Variants in IL1RAPL1 observed in about 807,000 individuals in gnomAD.
IL1RAPL1 encodes interleukin 1 receptor accessory protein like 1.
A neutral mutation model predicts 48.4 loss-of-function variants in IL1RAPL1; 3 were observed. The ratio of observed to expected loss-of-function variants is 0.06; its 90% CI spans 0.03 to 0.16. IL1RAPL1 has a LOEUF of 0.16. Ranked by LOEUF, IL1RAPL1 falls within the 10% of genes least tolerant of loss-of-function variation. IL1RAPL1 has a pLI of 1.00. For synonymous variants in IL1RAPL1, 185 were observed against 187.7 expected (o/e 0.99, Z 0.12); for missense variants, 349 against 530.6 (o/e 0.66, Z 3.36).
chrX:29,413,221 C>T (rs1170024681), intron 5 of IL1RAPL1, among the ~76,000 whole-genome samples: 2 of 111,921 alleles, frequency 1.8e-5, no homozygotes, highest in Non-Finnish European at 1.9e-5. Context: ...CATGATTTCC[C>T]AGCCATGTGG....
intron 1 of IL1RAPL1, chrX:28,659,015 C>CTTT: frequency 9.6e-6 from 4 of 416,193 alleles, no homozygotes; most frequent in South Asian, 3.7e-5. Context: ...GAAGAAGAGA[C>CTTT]TTTTTTTTTT....
rs781268176 is a variant in IL1RAPL1, at chrX:29,602,211, G to A, written c.704-66219G>A. Among the ~76,000 whole-genome samples the A allele has an allele frequency of 4.0e-3, 414 of 102,991 alleles. 54 individuals carry two copies. Among genetic ancestry groups the A allele is most frequent in the African/African-American group, 0.017 (385 of 22,804 alleles). The allele number at this position is 102,991 out of a possible 115,157, so 89.4% of individuals were successfully genotyped here. A position where few individuals can be genotyped will look rare whatever the true frequency, so the allele number is the denominator to read the frequency against. Reference sequence around the variant, plus strand: ...TTGATCAGGCTGATCTCAAACTCCTGACCTCATGTGATCCACCTGCCTCGG... The same window carrying A: ...TTGATCAGGCTGATCTCAAACTCCTAACCTCATGTGATCCACCTGCCTCGG... On this transcript the variant is annotated intron_variant, in intron 5 of 10. Transcript: ENST00000378993.
At chrX:29,936,518 AACACACACACAC>A (rs55890071) in intron 8 of IL1RAPL1, among the ~76,000 whole-genome samples, 62 of 93,472 alleles carry the variant, frequency 6.6e-4, no homozygotes, top group African/African-American at 1.7e-3. Flanking sequence ...TATATATAGG[AACACACACACAC>A]ACACACACAC....
chrX:29,750,093 C>T (rs1473571485), intron 6 of IL1RAPL1, among the ~76,000 whole-genome samples: 1 of 112,067 alleles, frequency 8.9e-6, no homozygotes, highest in Non-Finnish European at 1.9e-5. Flanking sequence ...CCTCAATTCT[C>T]CATCTCCTTA....
chrX:29,521,807 C>T (rs1452392813), intron 5 of IL1RAPL1, among the ~76,000 whole-genome samples: 1 of 112,066 alleles, frequency 8.9e-6, no homozygotes, highest in Non-Finnish European at 1.9e-5. Flanking sequence ...TTAAATTCTA[C>T]TGTACATTTC....
chrX:29,284,911 G>T (rs1003157741), intron 3 of IL1RAPL1, among the ~76,000 whole-genome samples: 2 of 111,790 alleles, frequency 1.8e-5, no homozygotes, highest in African/African-American at 6.5e-5. Context: ...AAAGAATACT[G>T]TTTGGACTAG....
rs746482664 is a variant in IL1RAPL1 at position 29,716,025 on chromosome X, G to A, written c.778+47521G>A. On this transcript the variant is annotated intron_variant, in intron 6 of 10. Transcript: ENST00000378993. ...ATCTGAGCTTTGGAGAGTGTCACAT[G>A]CTTGATTCTCTGGGACAGAGTCTCT... is the stretch of plus-strand genomic sequence containing the variant. Among the ~76,000 whole-genome samples, 122 of 111,763 alleles carry A rather than the reference G, an allele frequency of 1.1e-3. 2 individuals carry two copies. Among genetic ancestry groups the A allele is most frequent in the Non-Finnish European group, 1.5e-3 (82 of 53,139 alleles).
chrX:29,946,396 T>TA (rs1292922783), intron 9 of IL1RAPL1, among the ~76,000 whole-genome samples: 1 of 109,557 alleles, frequency 9.1e-6, no homozygotes, highest in Non-Finnish European at 1.9e-5. Context: ...GTCTTTGTAA[T>TA]AACACAGCTA....
chrX:29,885,730 G>A (rs1008700322), intron 6 of IL1RAPL1, among the ~76,000 whole-genome samples: 2 of 111,490 alleles, frequency 1.8e-5, no homozygotes, highest in African/African-American at 6.5e-5. Flanking sequence ...GAGGCGGGAG[G>A]TTCACTTGAG....
chrX:29,061,253 T>C lies in IL1RAPL1; in HGVS notation c.83-221685T>C, dbSNP rs777836819. On this transcript the variant is annotated intron_variant, in intron 2 of 10. Coordinates refer to ENST00000378993, the MANE Select transcript of IL1RAPL1 (RefSeq NM_014271.4). ...AACTATAAAACACTATACCAGACTATAAGGTGCTTTTACTAATCAATTTGG... is the reference window on the plus strand; with the variant it reads ...AACTATAAAACACTATACCAGACTACAAGGTGCTTTTACTAATCAATTTGG... Among the ~76,000 whole-genome samples, 7 of 111,900 alleles carry C rather than the reference T, an allele frequency of 6.3e-5. No individual in the cohort carries two copies. The South Asian group carries it at 2.6e-3, about 41-fold the overall frequency.
At chrX:28,849,250 C>T (rs1163615621) in intron 2 of IL1RAPL1, among the ~76,000 whole-genome samples, 1 of 111,150 alleles carries the variant, frequency 9.0e-6, no homozygotes, top group African/African-American at 3.3e-5. Context: ...GGAAGTATCT[C>T]AAAGAAGTAC....
At chrX:29,840,857 A>G (rs1464304163) in intron 6 of IL1RAPL1, among the ~76,000 whole-genome samples, 4 of 112,356 alleles carry the variant, frequency 3.6e-5, no homozygotes, top group African/African-American at 1.3e-4. Flanking sequence ...GCCTGTAAAA[A>G]TAATATTGAT....
chrX:29,595,676 C>T (rs1248439593), intron 5 of IL1RAPL1, among the ~76,000 whole-genome samples: 1 of 111,970 alleles, frequency 8.9e-6, no homozygotes, highest in Non-Finnish European at 1.9e-5. Context: ...GATTTTCTCC[C>T]ACTCTGTGGA....
chrX:29,236,757 AC>A, intron 2 of IL1RAPL1, among the ~76,000 whole-genome samples: 1 of 99,852 alleles, frequency 1.0e-5, no homozygotes, highest in Non-Finnish European at 2.0e-5. Flanking sequence ...TTTAGTAGAG[AC>A]GGGGGTTTCA....
intron 2 of IL1RAPL1, among the ~76,000 whole-genome samples, chrX:29,005,962 G>A (rs759812963): frequency 1.8e-5 from 2 of 111,852 alleles, no homozygotes; most frequent in East Asian, 5.6e-4. Flanking sequence ...AAACATATAT[G>A]TGCAAAAAGA....
chrX:29,866,582 G>A (rs1160579240), intron 6 of IL1RAPL1, among the ~76,000 whole-genome samples: 2 of 107,938 alleles, frequency 1.9e-5, no homozygotes, highest in Middle Eastern at 4.8e-3. Flanking sequence ...CGTGGTGTTA[G>A]GTATGAAGCA....
intron 1 of IL1RAPL1, among the ~76,000 whole-genome samples, chrX:28,754,178 C>T (rs906404957): frequency 1.8e-5 from 2 of 111,495 alleles, no homozygotes; most frequent in Admixed American, 9.6e-5. Flanking sequence ...ATTCTGCATA[C>T]TTCTCTCACT....
chrX:29,169,130 G>A (rs1929862362), intron 2 of IL1RAPL1, among the ~76,000 whole-genome samples: 1 of 108,499 alleles, frequency 9.2e-6, no homozygotes, highest in Non-Finnish European at 1.9e-5. Context: ...ACATGGGTGT[G>A]CATATGTCTC....
intron 1 of IL1RAPL1, among the ~76,000 whole-genome samples, chrX:28,614,457 G>T (rs1261054501): frequency 2.7e-5 from 3 of 111,074 alleles, no homozygotes; most frequent in Non-Finnish European, 5.7e-5. Context: ...AAATTAAAAT[G>T]ATACCTTATT....
Sources: allele counts gnomAD v4.1 joint callset (sites outside exome capture counted in the v4.1 genomes callset), GRCh38; gene constraint gnomAD v4.1.1; transcripts MANE v1.5; gene names NCBI Gene and HGNC (gene_info 2026-07-23, HGNC 2026-07-21).